TXNDC16: variants seen among roughly 807,000 people sequenced by gnomAD.
TXNDC16 encodes the protein thioredoxin domain containing 16.
Under a neutral mutation model 85.6 loss-of-function variants are expected in TXNDC16, and 74 were observed. The observed-to-expected ratio is 0.86, with a 90% CI of 0.72 to 1.05. The LOEUF (loss-of-function observed/expected upper bound fraction) is 1.05. Ranked by LOEUF, TXNDC16 falls within the 50% of genes least tolerant of loss-of-function variation. TXNDC16 has a pLI of 0.00. For missense variants in TXNDC16, 959 were observed against 947.0 expected (o/e 1.01, Z -0.17); for synonymous variants, 335 against 326.5 (o/e 1.03, Z -0.28).
intron 14 of TXNDC16, among the ~76,000 whole-genome samples, chr14:52,478,800 G>A (rs961538936): frequency 5.9e-5 from 9 of 151,964 alleles, no homozygotes; most frequent in Middle Eastern, 3.4e-3. Flanking sequence ...GGGAACCCTC[G>A]CTAAATCATC....
chr14:52,501,162 TCA>T (rs979587854), intron 9 of TXNDC16, among the ~76,000 whole-genome samples: 1 of 152,150 alleles, frequency 6.6e-6, no homozygotes, highest in African/African-American at 2.4e-5. Flanking sequence ...AGATTTATTT[TCA>T]GTTTGACATG....
intron 10 of TXNDC16, 128 bp from the exon 11 acceptor site, chr14:52,490,579 C>T: frequency 2.4e-6 from 2 of 839,384 alleles, no homozygotes; most frequent in South Asian, 4.7e-5. Context: ...AATTTAGTGA[C>T]TGAAAAATTT....
chr14:52,543,769 G>A, intron 2 of TXNDC16, 139 bp from the exon 3 acceptor site: 1 of 489,722 alleles, frequency 2.0e-6, no homozygotes, highest in Non-Finnish European at 3.6e-6. Flanking sequence ...AAAAATTTGA[G>A]GGGGGACAAT....
chr14:52,543,438 C>G lies in TXNDC16; in HGVS notation c.120G>C (p.Leu40Phe). ...AAGCTAAAGAGGCTTTTCCTGGTTG[C>G]AATGTACTAAAATATTTCTGAGGAC... ...ELSPQKYFSTLQPGKASLAYF... is the reference protein window; with the variant it reads ...ELSPQKYFSTFQPGKASLAYF... Residue 40 changes from leucine (L) to phenylalanine (F), a missense_variant, in exon 3 of 21, where the codon TTG becomes TTC. Coordinates refer to ENST00000281741, the MANE Select transcript of TXNDC16 (RefSeq NM_020784.3). 6.2e-7 allele frequency: 1 copy of G among 1,612,080 alleles called. No individual in the cohort carries two copies. Among genetic ancestry groups the G allele is most frequent in the Non-Finnish European group, 8.5e-7 (1 of 1,179,292 alleles).
intron 9 of TXNDC16, among the ~76,000 whole-genome samples, chr14:52,502,936 T>C (rs10144819): frequency 3.3e-5 from 5 of 151,986 alleles, no homozygotes; most frequent in East Asian, 3.9e-4. Context: ...TATCCCGCGC[T>C]TGAGGGCTCC....
At chr14:52,538,530 A>T (rs1594765084) in intron 4 of TXNDC16, among the ~76,000 whole-genome samples, 1 of 152,236 alleles carries the variant, frequency 6.6e-6, no homozygotes, top group South Asian at 2.1e-4. Context: ...CTTGGATGAG[A>T]AGTAAAGCCA....
At chr14:52,533,101 C>T (rs1383541648) in intron 6 of TXNDC16, among the ~76,000 whole-genome samples, 5 of 152,076 alleles carry the variant, frequency 3.3e-5, no homozygotes, top group Non-Finnish European at 7.3e-5. Context: ...TGCTCCCTGG[C>T]TGACCTATAT....
In TXNDC16 at chr14:52,439,405, G is replaced by A. The variant is rs866086281; in HGVS notation, c.2004-11C>T. On this transcript the variant is annotated splice_polypyrimidine_tract_variant and intron_variant, in intron 19 of 20. Coordinates refer to ENST00000281741, the MANE Select transcript of TXNDC16 (RefSeq NM_020784.3). ...ACTGGAGTATTCTTTCTGCAAAAGG[G>A]AACAATTGAACATATTAATATTTCT... The A allele has an allele frequency of 6.3e-7, 1 of 1,594,154 alleles. No individual in the cohort carries two copies. The highest frequency in any genetic ancestry group is 8.6e-7 in the Non-Finnish European group (1 of 1,168,488).
intron 1 of TXNDC16, among the ~76,000 whole-genome samples, chr14:52,546,451 T>C (rs1466467580): frequency 1.3e-5 from 2 of 152,160 alleles, no homozygotes; most frequent in Non-Finnish European, 2.9e-5. Context: ...GCTCCCTCCA[T>C]CCTCCACCTC....
intron 20 of TXNDC16, among the ~76,000 whole-genome samples, chr14:52,435,885 A>G (rs2035015586): frequency 6.6e-6 from 1 of 152,170 alleles, no homozygotes; most frequent in African/African-American, 2.4e-5. Context: ...AGGCTGAGGT[A>G]GGAGAATCCC....
At chr14:52,502,308 G>A (rs2036677501) in intron 9 of TXNDC16, among the ~76,000 whole-genome samples, 1 of 152,204 alleles carries the variant, frequency 6.6e-6, no homozygotes, top group African/African-American at 2.4e-5. Flanking sequence ...TGAAAGTGTT[G>A]AAGCAAAACC....
intron 18 of TXNDC16, among the ~76,000 whole-genome samples, chr14:52,453,902 G>A (rs1266276764): frequency 6.6e-6 from 1 of 152,172 alleles, no homozygotes; most frequent in Non-Finnish European, 1.5e-5. Context: ...AAATGGTGGG[G>A]AGGGGGGAAG....
At chr14:52,474,850 C>T (rs910819931) in intron 14 of TXNDC16, among the ~76,000 whole-genome samples, 3 of 152,072 alleles carry the variant, frequency 2.0e-5, no homozygotes, top group Admixed American at 6.6e-5. Context: ...ACAGACAGAA[C>T]AGCGTGTGGA....
chr14:52,539,132 G>A (rs1163560165), intron 4 of TXNDC16, among the ~76,000 whole-genome samples: 1 of 152,104 alleles, frequency 6.6e-6, no homozygotes, highest in Non-Finnish European at 1.5e-5. Context: ...ACAATGTAAG[G>A]TAGAGACAAG....
At chr14:52,453,448 A>T (rs1291925916) in intron 18 of TXNDC16, among the ~76,000 whole-genome samples, 1 of 152,234 alleles carries the variant, frequency 6.6e-6, no homozygotes, top group Non-Finnish European at 1.5e-5. Context: ...CAGATGAATG[A>T]ATAAAGAAAA....
Position 52,514,935 on chromosome 14 carries a change from C to A in TXNDC16, c.550G>T (p.Gly184Trp), listed in dbSNP as rs771892289. The change falls in exon 8 of 21, where the codon GGG becomes TGG. Residue 184 changes from glycine (G) to tryptophan (W), a missense_variant. By Grantham distance (184) the Gly-to-Trp change is radical. Transcript: ENST00000281741. Reference protein sequence around the residue: ...RAVMEAAFVYGTTYQFVLTTE... With the variant: ...RAVMEAAFVYWTTYQFVLTTE... Reference sequence around the variant, plus strand: ...GTTAAGACAAATTGGTATGTAGTCCCATACACAAAAGCGGCTTCCATGACT... The same window carrying A: ...GTTAAGACAAATTGGTATGTAGTCCAATACACAAAAGCGGCTTCCATGACT... The A allele has an allele frequency of 2.5e-6, 4 of 1,612,720 alleles. No homozygotes were observed. In the African/African-American group the frequency reaches 5.3e-5, roughly 22 times the overall value.
chr14:52,483,065 A>T (rs1356445690), intron 12 of TXNDC16, 100 bp from the exon 13 acceptor site: 5 of 1,005,654 alleles, frequency 5.0e-6, no homozygotes, highest in Non-Finnish European at 4.1e-6. Context: ...TACTTTATAC[A>T]AACTTTTGAA....
At chr14:52,459,877 A>G (rs1043960208) in intron 16 of TXNDC16, among the ~76,000 whole-genome samples, 1 of 152,020 alleles carries the variant, frequency 6.6e-6, no homozygotes, top group South Asian at 2.1e-4. Flanking sequence ...CATGTTAAAA[A>G]CTCTCAATAT....
In TXNDC16 at chr14:52,470,699, C is replaced by T; in HGVS notation, c.1313-19G>A. 6.3e-7 allele frequency: 1 copy of T among 1,581,876 alleles called. No individual in the cohort carries two copies. Among genetic ancestry groups the T allele is most frequent in the Non-Finnish European group, 8.6e-7 (1 of 1,165,620 alleles). On this transcript the variant is annotated intron_variant, in intron 14 of 20. Coordinates refer to ENST00000281741, the MANE Select transcript of TXNDC16 (RefSeq NM_020784.3). ...GATGTGCCTAAATAAAAGGAAAATG[C>T]ACATTTGTAATTACTAATTGTAGAA...
Sources: allele counts gnomAD v4.1 joint callset (sites outside exome capture counted in the v4.1 genomes callset), GRCh38; gene constraint gnomAD v4.1.1; transcripts MANE v1.5; gene names NCBI Gene and HGNC (gene_info 2026-07-23, HGNC 2026-07-21).